Variants in ZBTB16 observed in about 807,000 individuals in gnomAD.
ZBTB16 encodes zinc finger and BTB domain containing 16.
In ZBTB16, 8 loss-of-function variants were observed where a neutral mutation model predicts 56.8. That is an observed-to-expected ratio of 0.14 (90% confidence interval 0.08 to 0.25). The LOEUF is 0.25. ZBTB16 is among the 10% of genes least tolerant of loss of function. ZBTB16 has a pLI of 1.00. For synonymous variants in ZBTB16, 363 were observed against 368.5 expected (o/e 0.98, Z 0.17); for missense variants, 625 against 903.0 (o/e 0.69, Z 3.95).
At chr11:114,203,497 G>A (rs1440593606) in intron 4 of ZBTB16, among the ~76,000 whole-genome samples, 2 of 152,076 alleles carry the variant, frequency 1.3e-5, no homozygotes, top group African/African-American at 4.8e-5. Flanking sequence ...AGGCTGCAGT[G>A]AGCTTTGATG....
At chr11:114,168,697 C>G (rs1942865090) in intron 3 of ZBTB16, among the ~76,000 whole-genome samples, 1 of 152,184 alleles carries the variant, frequency 6.6e-6, no homozygotes, top group African/African-American at 2.4e-5. Context: ...CTAGCCCTGG[C>G]CTCGTGCTGT....
At chr11:114,226,907 T>C (rs1334007797) in intron 4 of ZBTB16, among the ~76,000 whole-genome samples, 1 of 152,162 alleles carries the variant, frequency 6.6e-6, no homozygotes. Context: ...TTCCTCTCTC[T>C]CCCTCCCCAA....
At chr11:114,112,198 G>T (rs534103841) in intron 2 of ZBTB16, among the ~76,000 whole-genome samples, 1 of 152,192 alleles carries the variant, frequency 6.6e-6, no homozygotes, top group Admixed American at 6.5e-5. Flanking sequence ...TCAGAAAAAT[G>T]AATCTTTTAT....
intron 2 of ZBTB16, among the ~76,000 whole-genome samples, chr11:114,125,219 T>C (rs1198966793): frequency 6.6e-6 from 1 of 152,222 alleles, no homozygotes; most frequent in Non-Finnish European, 1.5e-5. Context: ...TCAGCTCTCC[T>C]CTAGGGAAAT....
chr11:114,154,542 T>G (rs1197479786), intron 2 of ZBTB16, among the ~76,000 whole-genome samples: 4 of 152,204 alleles, frequency 2.6e-5, no homozygotes, highest in Non-Finnish European at 5.9e-5. Context: ...AGGTATGTAG[T>G]TTAAAAGATA....
intron 4 of ZBTB16, among the ~76,000 whole-genome samples, chr11:114,199,828 C>T (rs963134696): frequency 1.3e-5 from 2 of 152,106 alleles, no homozygotes; most frequent in Non-Finnish European, 2.9e-5. Flanking sequence ...GTAAGAACTA[C>T]ATAAAACCAT....
chr11:114,204,660 A>G (rs1451436234), intron 4 of ZBTB16, among the ~76,000 whole-genome samples: 1 of 152,122 alleles, frequency 6.6e-6, no homozygotes, highest in Admixed American at 6.6e-5. Context: ...CAGGGGCTCC[A>G]GGCAGGAGAA....
chr11:114,095,506 C>T (rs1352494303), intron 2 of ZBTB16, among the ~76,000 whole-genome samples: 10 of 152,026 alleles, frequency 6.6e-5, no homozygotes, highest in South Asian at 2.1e-4. Flanking sequence ...GTGGTCCGCC[C>T]GCCTTGGCCT....
intron 4 of ZBTB16, among the ~76,000 whole-genome samples, chr11:114,240,104 T>A (rs1375768757): frequency 2.6e-5 from 4 of 152,176 alleles, no homozygotes; most frequent in Non-Finnish European, 5.9e-5. Flanking sequence ...GCTGGCTGTT[T>A]TTCTCCTTCC....
intron 2 of ZBTB16, among the ~76,000 whole-genome samples, chr11:114,078,503 A>C (rs2137690346): frequency 6.6e-6 from 1 of 152,306 alleles, no homozygotes; most frequent in Middle Eastern, 3.4e-3. Flanking sequence ...AAACAAACAA[A>C]AGAGTTTAGA....
intron 4 of ZBTB16, among the ~76,000 whole-genome samples, chr11:114,226,766 C>G (rs1385565983): frequency 1.3e-5 from 2 of 152,098 alleles, no homozygotes; most frequent in African/African-American, 4.8e-5. Flanking sequence ...CGTCTTCCTT[C>G]CCTGAAACTG....
chr11:114,157,635 G>A (rs1050443565), intron 3 of ZBTB16, among the ~76,000 whole-genome samples: 3 of 152,260 alleles, frequency 2.0e-5, no homozygotes, highest in Admixed American at 6.5e-5. Flanking sequence ...AGTGCTCTTC[G>A]TTCGCTTTTT....
chr11:114,233,939 A>G (rs1037157502), intron 4 of ZBTB16, among the ~76,000 whole-genome samples: 9 of 152,206 alleles, frequency 5.9e-5, no homozygotes, highest in African/African-American at 2.2e-4. Context: ...ACATTCCCCA[A>G]GAGACTGAAA....
At chr11:114,210,237 A>G (rs1044141161) in intron 4 of ZBTB16, among the ~76,000 whole-genome samples, 2 of 151,798 alleles carry the variant, frequency 1.3e-5, no homozygotes, top group Non-Finnish European at 2.9e-5. Context: ...GTTCCCAAGC[A>G]TTTACTCTCC....
At chr11:114,080,921 G>T (rs1462804091) in intron 2 of ZBTB16, among the ~76,000 whole-genome samples, 1 of 152,164 alleles carries the variant, frequency 6.6e-6, no homozygotes, top group Non-Finnish European at 1.5e-5. Flanking sequence ...GCAGGCGTGG[G>T]CTCTCAATGT....
At chr11:114,193,875 C>A (rs1046919147) in intron 4 of ZBTB16, among the ~76,000 whole-genome samples, 2 of 152,144 alleles carry the variant, frequency 1.3e-5, no homozygotes, top group Admixed American at 1.3e-4. Flanking sequence ...TTGATTACAC[C>A]CATTTAACAG....
At chr11:114,160,965 C>T (rs577113883) in intron 3 of ZBTB16, among the ~76,000 whole-genome samples, 1 of 152,134 alleles carries the variant, frequency 6.6e-6, no homozygotes, top group African/African-American at 2.4e-5. Context: ...GACTGTGGCC[C>T]TTCCCCTTCC....
intron 4 of ZBTB16, among the ~76,000 whole-genome samples, chr11:114,213,663 A>G (rs1036729190): frequency 1.3e-5 from 2 of 152,260 alleles, no homozygotes; most frequent in African/African-American, 2.4e-5. Flanking sequence ...CAGATGAGGA[A>G]CATCAGGGCT....
At chr11:114,096,311 T>C (rs372472489) in intron 2 of ZBTB16, among the ~76,000 whole-genome samples, 22 of 152,328 alleles carry the variant, frequency 1.4e-4, no homozygotes, top group African/African-American at 5.1e-4. Context: ...TTTTGACTTA[T>C]CTATTATTTC....
Sources: allele counts gnomAD v4.1 joint callset (sites outside exome capture counted in the v4.1 genomes callset), GRCh38; gene constraint gnomAD v4.1.1; transcripts MANE v1.5; gene names NCBI Gene and HGNC (gene_info 2026-07-23, HGNC 2026-07-21).